PAK1: variants seen among roughly 807,000 people sequenced by gnomAD.
The protein encoded by PAK1 is serine/threonine-protein kinase PAK 1.
Under a neutral mutation model 67.4 loss-of-function variants are expected in PAK1, and 29 were observed. The ratio of observed to expected loss-of-function variants is 0.43; its 90% confidence interval spans 0.32 to 0.59. PAK1 has a LOEUF of 0.59. PAK1 is among the 20% of genes least tolerant of loss of function. PAK1 has a pLI of 0.07. For synonymous variants in PAK1, 223 were observed against 237.4 expected (o/e 0.94, Z 0.56); for missense variants, 337 against 670.7 (o/e 0.50, Z 5.50).
At chr11:77,528,151 T>C in the PAK1 span, among the ~76,000 whole-genome samples, 10 of 152,032 alleles carry the variant, frequency 6.6e-5, no homozygotes, top group Non-Finnish European at 1.5e-4. Flanking sequence ...TGGGAGAGCA[T>C]TTTAAAGTAA....
intron 8 of PAK1, among the ~76,000 whole-genome samples, chr11:77,350,141 A>G (rs1945034311): frequency 6.6e-6 from 1 of 152,230 alleles, no homozygotes; most frequent in African/African-American, 2.4e-5. Context: ...GATCCTTTAA[A>G]ATAAAATAAT....
In PAK1 at chr11:77,374,368, G is replaced by A; in HGVS notation, c.440-3C>T. ...ATTGTAATCCTCAGCTGACTTATCT[G>A]CACAGGAAGAAAAACAAGGGACTTA... On this transcript the variant is annotated splice_polypyrimidine_tract_variant and splice_region_variant and intron_variant, in intron 4 of 14. Transcript: ENST00000356341. 6.3e-7 allele frequency: 1 copy of A among 1,589,504 alleles called. No individual in the cohort carries two copies. The highest frequency in any genetic ancestry group is 1.1e-5 in the South Asian group (1 of 90,396).
At chr11:77,323,718 T>A (rs1938940888) in intron 14 of PAK1, among the ~76,000 whole-genome samples, 1 of 152,168 alleles carries the variant, frequency 6.6e-6, no homozygotes, top group African/African-American at 2.4e-5. Flanking sequence ...AAATGAATAG[T>A]GTTATATTCA....
At chr11:77,432,002 G>A (rs1441403397) in intron 1 of PAK1, among the ~76,000 whole-genome samples, 1 of 152,022 alleles carries the variant, frequency 6.6e-6, no homozygotes, top group East Asian at 1.9e-4. Context: ...AGCCTGTGTG[G>A]GTTTTTTTTG....
At chr11:77,358,160 T>TG (rs1299822055) in intron 6 of PAK1, among the ~76,000 whole-genome samples, 2 of 152,192 alleles carry the variant, frequency 1.3e-5, no homozygotes, top group African/African-American at 4.8e-5. Flanking sequence ...CTTTTTTTTT[T>TG]CTTTCATGAT....
chr11:77,344,698 C>G (rs1944138736), intron 9 of PAK1, among the ~76,000 whole-genome samples: 2 of 152,296 alleles, frequency 1.3e-5, no homozygotes, highest in East Asian at 3.9e-4. Context: ...GCATACATAG[C>G]TATTCAATAG....
intron 1 of PAK1, among the ~76,000 whole-genome samples, chr11:77,403,622 A>T (rs952795549): frequency 3.9e-5 from 6 of 152,168 alleles, no homozygotes; most frequent in Non-Finnish European, 8.8e-5. Flanking sequence ...ATCAAAAACC[A>T]TCAACCCCTT....
At chr11:77,335,396 C>A (rs1942512142) in intron 13 of PAK1, among the ~76,000 whole-genome samples, 1 of 152,188 alleles carries the variant, frequency 6.6e-6, no homozygotes, top group Non-Finnish European at 1.5e-5. Flanking sequence ...CTCTTTATTA[C>A]CCAACTTAAG....
At chr11:77,509,919 C>G in the PAK1 span, among the ~76,000 whole-genome samples, 6 of 152,266 alleles carry the variant, frequency 3.9e-5, no homozygotes, top group East Asian at 1.9e-4. Context: ...TATAAGTTAC[C>G]CAGTCTCAGG....
chr11:77,507,680 C>T, the PAK1 span, among the ~76,000 whole-genome samples: 5 of 152,032 alleles, frequency 3.3e-5, no homozygotes, highest in African/African-American at 1.2e-4. Flanking sequence ...CACCACCAAA[C>T]TATTTTTAAT....
At chr11:77,490,507 G>A in the PAK1 span, among the ~76,000 whole-genome samples, 2 of 150,092 alleles carry the variant, frequency 1.3e-5, no homozygotes, top group South Asian at 2.1e-4. Flanking sequence ...GAGGGAGGTG[G>A]GGGGTCAGCC....
At chr11:77,364,504 C>G (rs1207585660) in intron 5 of PAK1, among the ~76,000 whole-genome samples, 1 of 152,162 alleles carries the variant, frequency 6.6e-6, no homozygotes. Context: ...TGACCACAGA[C>G]AGAGACTATG....
At chr11:77,364,325 A>G (rs980295789) in intron 5 of PAK1, among the ~76,000 whole-genome samples, 2 of 152,238 alleles carry the variant, frequency 1.3e-5, no homozygotes, top group Non-Finnish European at 2.9e-5. Context: ...GAAGCCTTAC[A>G]GAGTTGAAGT....
chr11:77,324,919 C>T (rs997842313), intron 14 of PAK1, among the ~76,000 whole-genome samples: 1 of 152,104 alleles, frequency 6.6e-6, no homozygotes, highest in Non-Finnish European at 1.5e-5. Flanking sequence ...CGTACTATTA[C>T]TATGAAAGGA....
the PAK1 span, among the ~76,000 whole-genome samples, chr11:77,490,621 G>A: frequency 6.6e-6 from 1 of 152,220 alleles, no homozygotes; most frequent in East Asian, 1.9e-4. Context: ...ACCCCGTCTG[G>A]GAGGTGTGCC....
intron 1 of PAK1, chr11:77,412,084 A>T (rs1456625899): frequency 6.6e-6 from 1 of 152,234 alleles, no homozygotes; most frequent in Non-Finnish European, 1.5e-5. Flanking sequence ...GCGGGGAGAC[A>T]GCTATCTTCC....
intron 1 of PAK1, among the ~76,000 whole-genome samples, chr11:77,393,285 AAGAGAGAGAGAGAGAGAG>A (rs35216521): frequency 7.1e-6 from 1 of 141,784 alleles, no homozygotes; most frequent in African/African-American, 2.6e-5. Flanking sequence ...TAAAAAAAAA[AAGAGAGAGAGAGAGAGAG>A]AGAGAGAGAG....
At position 77,445,415 on chromosome 11, in the gene PAK1, G is replaced by A. The variant is rs528755789; in HGVS notation, c.-22+28137C>T. ...CTAAAGTTTGTACCCAGTTTATTTGGTGGCACTGTTCAATTTATTTTTAGT... is the reference window on the plus strand; with the variant it reads ...CTAAAGTTTGTACCCAGTTTATTTGATGGCACTGTTCAATTTATTTTTAGT... On this transcript the variant is annotated intron_variant, in intron 1 of 14. Coordinates refer to ENST00000356341, the MANE Select transcript of PAK1 (RefSeq NM_002576.5). Among the ~76,000 whole-genome samples, 5 of 152,178 alleles carry A rather than the reference G, an allele frequency of 3.3e-5. No individual in the cohort carries two copies. In the South Asian group the frequency reaches 6.2e-4, roughly 19 times the overall value.
chr11:77,489,292 T>C, the PAK1 span, among the ~76,000 whole-genome samples: 5 of 152,212 alleles, frequency 3.3e-5, no homozygotes, highest in Admixed American at 6.5e-5. Context: ...CAGACTTGTC[T>C]TGTAAGAAAT....
Sources: gnomAD v4.1 joint callset for allele counts (sites outside exome capture counted in the v4.1 genomes callset) on GRCh38, gnomAD v4.1.1 for gene constraint, MANE v1.5 for transcripts, NCBI Gene and HGNC (gene_info 2026-07-23, HGNC 2026-07-21) for gene names.